ADAMTS6: variants seen among roughly 807,000 people sequenced by gnomAD.
ADAMTS6 encodes A disintegrin and metalloproteinase with thrombospondin motifs 6.
Under a neutral mutation model 144.3 loss-of-function variants are expected in ADAMTS6, and 23 were observed. The ratio of observed to expected loss-of-function variants is 0.16; its 90% CI spans 0.11 to 0.23. The LOEUF is 0.23. Among genes scored for constraint, ADAMTS6 ranks in the 10% least tolerant of loss-of-function variants. The pLI, the probability that ADAMTS6 is intolerant of heterozygous loss-of-function variation, is 1.00. For synonymous variants in ADAMTS6, 444 were observed against 457.5 expected (o/e 0.97, Z 0.38); for missense variants, 999 against 1,379.6 (o/e 0.72, Z 4.37).
chr5:65,151,641 C>G lies in ADAMTS6; in HGVS notation c.*195G>C, dbSNP rs758717470. 1.9e-6 allele frequency: 1 copy of G among 534,426 alleles called. No homozygotes were observed. The highest frequency in any genetic ancestry group is 1.9e-5 in the African/African-American group (1 of 53,356). 33.1% of individuals were successfully genotyped at this position (534,426 alleles called of 1,614,324 possible). ...TTCCCTCCTAATACCGTGTCCAGCA[C>G]TTTGGATCAATAAATCCCACTTCAC... On this transcript the variant is annotated 3_prime_UTR_variant, in exon 25 of 25. Coordinates refer to ENST00000381055, the MANE Select transcript of ADAMTS6 (RefSeq NM_197941.4).
At chr5:65,219,524 C>A (rs1757161832) in intron 18 of ADAMTS6, among the ~76,000 whole-genome samples, 1 of 152,186 alleles carries the variant, frequency 6.6e-6, no homozygotes, top group Admixed American at 6.5e-5. Context: ...AAACACTGAT[C>A]AGAAGACAGC....
At chr5:65,428,522 T>C (rs548382470) in intron 7 of ADAMTS6, among the ~76,000 whole-genome samples, 24 of 152,288 alleles carry the variant, frequency 1.6e-4, no homozygotes, top group Non-Finnish European at 1.3e-4. Flanking sequence ...GGATCAGATT[T>C]AAAAGACTTC....
chr5:65,475,862 A>T (rs1380918213), intron 1 of ADAMTS6, among the ~76,000 whole-genome samples: 1 of 152,226 alleles, frequency 6.6e-6, no homozygotes, highest in African/African-American at 2.4e-5. Flanking sequence ...TGCTTCTTTT[A>T]ATCTCCAAAA....
intron 14 of ADAMTS6, among the ~76,000 whole-genome samples, chr5:65,257,209 T>C (rs1760759898): frequency 6.6e-6 from 1 of 152,016 alleles, no homozygotes; most frequent in Admixed American, 6.6e-5. Context: ...CTGAGTGACT[T>C]TAATATCCAT....
At chr5:65,407,086 C>T (rs945244974) in intron 7 of ADAMTS6, among the ~76,000 whole-genome samples, 4 of 152,072 alleles carry the variant, frequency 2.6e-5, no homozygotes, top group African/African-American at 9.7e-5. Context: ...GGAGAACCAG[C>T]CCAACCTAGC....
intron 7 of ADAMTS6, among the ~76,000 whole-genome samples, chr5:65,363,666 T>C (rs1252472586): frequency 2.6e-5 from 4 of 152,184 alleles, no homozygotes; most frequent in African/African-American, 9.6e-5. Flanking sequence ...TTATGCATAA[T>C]CCACTAAATG....
At chr5:65,310,380 G>T (rs932606659) in intron 9 of ADAMTS6, among the ~76,000 whole-genome samples, 1 of 152,124 alleles carries the variant, frequency 6.6e-6, no homozygotes, top group African/African-American at 2.4e-5. Flanking sequence ...CAAAAAGTTA[G>T]CCAGGTATGG....
At chr5:65,329,321 C>T in intron 9 of ADAMTS6, 57 bp downstream of exon 9, 1 of 1,500,890 alleles carries the variant, frequency 6.7e-7, no homozygotes, top group Non-Finnish European at 9.2e-7. Flanking sequence ...ACAGTAGTTA[C>T]AAGTTGCTCA....
At chr5:65,270,919 AT>A (rs1255129627) in intron 12 of ADAMTS6, among the ~76,000 whole-genome samples, 1 of 152,042 alleles carries the variant, frequency 6.6e-6, no homozygotes, top group Non-Finnish European at 1.5e-5. Context: ...GAGCATTTCC[AT>A]TTTTTTCAAA....
intron 11 of ADAMTS6, among the ~76,000 whole-genome samples, chr5:65,287,993 A>G (rs1389744956): frequency 6.6e-6 from 1 of 152,182 alleles, no homozygotes; most frequent in African/African-American, 2.4e-5. Context: ...AGCCATTACA[A>G]CCTCCTCACA....
rs142308192 is a variant in ADAMTS6 at position 65,222,806 on chromosome 5, C to A, written c.2272+1514G>T. On this transcript the variant is annotated intron_variant, in intron 18 of 24. Transcript: ENST00000381055. ...GAAAACTATCTTTGCAATATTGGAG[C>A]AGGTAAAATTTCTAAGATAGGACAT... 4.0e-3 allele frequency among the ~76,000 whole-genome samples: 605 copies of A among 151,732 alleles called. 5 individuals are homozygous for A. Among genetic ancestry groups the A allele is most frequent in the African/African-American group, 0.014 (588 of 41,416 alleles).
intron 7 of ADAMTS6, among the ~76,000 whole-genome samples, chr5:65,442,908 T>A (rs1757977802): frequency 6.6e-6 from 1 of 152,138 alleles, no homozygotes; most frequent in South Asian, 2.1e-4. Flanking sequence ...CAACTCCCAC[T>A]TTTGAGTGAG....
At chr5:65,293,301 C>T (rs1302839201) in intron 10 of ADAMTS6, among the ~76,000 whole-genome samples, 1 of 151,798 alleles carries the variant, frequency 6.6e-6, no homozygotes, top group Non-Finnish European at 1.5e-5. Context: ...AAGTTAAGTA[C>T]TACTATAAAT....
At chr5:65,408,968 C>CT (rs569663861) in intron 7 of ADAMTS6, among the ~76,000 whole-genome samples, 65 of 152,280 alleles carry the variant, frequency 4.3e-4, no homozygotes, top group African/African-American at 1.5e-3. Context: ...AAAGACACAA[C>CT]ATACCAGAAT....
At chr5:65,180,952 A>C (rs1277040079) in intron 22 of ADAMTS6, among the ~76,000 whole-genome samples, 1 of 152,210 alleles carries the variant, frequency 6.6e-6, no homozygotes, top group African/African-American at 2.4e-5. Flanking sequence ...TCTGTCATTT[A>C]ATAAATACTG....
At chr5:65,270,885 G>A (rs893865798) in intron 12 of ADAMTS6, among the ~76,000 whole-genome samples, 1 of 152,072 alleles carries the variant, frequency 6.6e-6, no homozygotes, top group South Asian at 2.1e-4. Flanking sequence ...AGGGTAAAGG[G>A]CAGGCAAGAG....
chr5:65,323,619 T>C (rs1745860808), intron 9 of ADAMTS6, among the ~76,000 whole-genome samples: 1 of 152,144 alleles, frequency 6.6e-6, no homozygotes, highest in Non-Finnish European at 1.5e-5. Flanking sequence ...TTATAATCCT[T>C]TGGGTATATA....
chr5:65,229,837 C>T (rs1758008359), intron 15 of ADAMTS6, among the ~76,000 whole-genome samples: 1 of 151,932 alleles, frequency 6.6e-6, no homozygotes, highest in African/African-American at 2.4e-5. Flanking sequence ...GTGGAATAGG[C>T]TTATTTAAAG....
chr5:65,241,044 C>A (rs1316609509), intron 15 of ADAMTS6, among the ~76,000 whole-genome samples: 2 of 151,824 alleles, frequency 1.3e-5, no homozygotes, highest in East Asian at 3.9e-4. Flanking sequence ...CTTTGAAATA[C>A]ATCAAAAAGT....
Sources: gnomAD v4.1 joint callset for allele counts (sites outside exome capture counted in the v4.1 genomes callset) on GRCh38, gnomAD v4.1.1 for gene constraint, MANE v1.5 for transcripts, NCBI Gene and HGNC (gene_info 2026-07-23, HGNC 2026-07-21) for gene names.